Variants in CLMN observed in about 807,000 individuals in gnomAD.
CLMN encodes the protein calmin.
In CLMN, 57 loss-of-function variants were observed where a neutral mutation model predicts 92.7. That is an observed-to-expected ratio of 0.61 (90% confidence interval 0.50 to 0.77). The LOEUF is 0.77. Among genes scored for constraint, CLMN ranks in the 30% least tolerant of loss-of-function variants. The probability of loss-of-function intolerance (pLI) is 0.00; values close to 1 mark genes in which losing one functional copy is unlikely to be tolerated. For missense variants in CLMN, 1,158 were observed against 1,237.5 expected, an observed-to-expected ratio of 0.94 and a Z score of 0.96; for synonymous variants, 466 against 470.6, an observed-to-expected ratio of 0.99 and a Z score of 0.13.
intron 1 of CLMN, among the ~76,000 whole-genome samples, chr14:95,274,174 T>C (rs1392676093): frequency 3.3e-5 from 5 of 152,196 alleles, no homozygotes; most frequent in Non-Finnish European, 7.3e-5. Context: ...TTACTTTCTT[T>C]GCTCCCGCTT....
chr14:95,289,532 G>A lies in CLMN; in HGVS notation c.82+30179C>T, dbSNP rs1037215858. ...AAACAAACAAACAAACAAAAAAACC[G>A]TTGTTCTACATCCTTATCATATGTA... On this transcript the variant is annotated intron_variant, in intron 1 of 12. Coordinates refer to ENST00000298912, the MANE Select transcript of CLMN (RefSeq NM_024734.4). Among the ~76,000 whole-genome samples, 9 of 150,584 alleles carry A rather than the reference G, an allele frequency of 6.0e-5. 1 individual carries two copies. The South Asian group carries it at 1.3e-3, about 21-fold the overall frequency.
In CLMN at chr14:95,186,736, C is replaced by T. The variant is rs1367059359; in HGVS notation, c.*4828G>A. 6.6e-6 allele frequency: 1 copy of T among 152,180 alleles called. No homozygotes were observed. Among genetic ancestry groups the T allele is most frequent in the Non-Finnish European group, 1.5e-5 (1 of 68,074 alleles). The allele number at this position is 152,180 out of a possible 1,614,324, so 9.4% of individuals were successfully genotyped here. ...TATGCCACCACTAATTTAAATTTAA[C>T]TTTTTGTAGAGATGGAGTCTTGCTA... On this transcript the variant is annotated 3_prime_UTR_variant, in exon 13 of 13. Transcript: ENST00000298912.
intron 1 of CLMN, among the ~76,000 whole-genome samples, chr14:95,272,058 T>C (rs1213122328): frequency 6.6e-6 from 1 of 152,262 alleles, no homozygotes; most frequent in African/African-American, 2.4e-5. Flanking sequence ...TTGATGGGCA[T>C]GCATCTTGTC....
chr14:95,311,000 G>A (rs1901512303), intron 1 of CLMN, among the ~76,000 whole-genome samples: 1 of 152,196 alleles, frequency 6.6e-6, no homozygotes, highest in Non-Finnish European at 1.5e-5. Flanking sequence ...GCCGGAGCAG[G>A]ACGGGCACAC....
intron 1 of CLMN, among the ~76,000 whole-genome samples, chr14:95,268,219 G>A (rs966701679): frequency 1.3e-5 from 2 of 152,068 alleles, no homozygotes; most frequent in African/African-American, 4.8e-5. Context: ...TACCCCAATT[G>A]CCCCGGTTTG....
chr14:95,293,183 C>G (rs1177706998), intron 1 of CLMN, among the ~76,000 whole-genome samples: 1 of 111,300 alleles, frequency 9.0e-6, no homozygotes, highest in Non-Finnish European at 1.8e-5. Flanking sequence ...TTCCCTCCCT[C>G]CCTCCTTCTT....
chr14:95,234,748 T>C (rs999683905), intron 1 of CLMN, among the ~76,000 whole-genome samples: 2 of 152,212 alleles, frequency 1.3e-5, no homozygotes, highest in Non-Finnish European at 2.9e-5. Flanking sequence ...GGTGTGTCTT[T>C]AGCTCTGCTT....
Position 95,210,729 on chromosome 14 carries a change from G to A in CLMN, c.759C>T (p.Ile253=), listed in dbSNP as rs762636831. ...TRENLEKAFS[I]AQDALHIPRL... ...TGGGGATGTGCAGGGCATCCTGTGCGATGCTGAAAGCCTTCTCTAGATTTT... is the reference window on the plus strand; with the variant it reads ...TGGGGATGTGCAGGGCATCCTGTGCAATGCTGAAAGCCTTCTCTAGATTTT... Residue 253 remains isoleucine (I), a synonymous_variant, in exon 7 of 13, where the codon ATC becomes ATT. Transcript: ENST00000298912. 1.7e-5 allele frequency: 27 copies of A among 1,610,020 alleles called. No homozygotes were observed. In the Middle Eastern group the frequency reaches 4.9e-4, roughly 29 times the overall value.
intron 1 of CLMN, among the ~76,000 whole-genome samples, chr14:95,245,234 T>A (rs1464691437): frequency 2.9e-5 from 1 of 34,704 alleles, no homozygotes; most frequent in African/African-American, 1.8e-4. Context: ...ATTATATATA[T>A]ATATTATATA....
At chr14:95,228,376 G>T (rs1436425581) in intron 2 of CLMN, among the ~76,000 whole-genome samples, 1 of 152,210 alleles carries the variant, frequency 6.6e-6, no homozygotes, top group Non-Finnish European at 1.5e-5. Flanking sequence ...ACTGGTTGAT[G>T]ATTTATAAGC....
chr14:95,210,945 A>G, intron 6 of CLMN, 66 bp from the exon 7 acceptor site: 2 of 1,459,722 alleles, frequency 1.4e-6, no homozygotes, highest in East Asian at 2.6e-5. Flanking sequence ...GTGCAAGGTC[A>G]GCATGCAGCA....
chr14:95,306,206 A>G (rs771867410), intron 1 of CLMN, among the ~76,000 whole-genome samples: 1 of 152,154 alleles, frequency 6.6e-6, no homozygotes, highest in Non-Finnish European at 1.5e-5. Context: ...CAGAGGCCCC[A>G]GACTTGCTCA....
At chr14:95,201,077 G>A (rs1481263952) in intron 9 of CLMN, among the ~76,000 whole-genome samples, 1 of 151,784 alleles carries the variant, frequency 6.6e-6, no homozygotes, top group African/African-American at 2.4e-5. Flanking sequence ...GTTGATGGGT[G>A]CAGCAAACCA....
At chr14:95,235,672 A>G (rs2140644247) in intron 1 of CLMN, among the ~76,000 whole-genome samples, 1 of 152,320 alleles carries the variant, frequency 6.6e-6, no homozygotes, top group East Asian at 1.9e-4. Context: ...ACAGTTGGAC[A>G]GAATCTGATT....
At position 95,293,382 on chromosome 14, in the gene CLMN, CTCCTTCCTTCCCTCCCTCCT is replaced by C. The variant is rs1197929345; in HGVS notation, c.82+26309_82+26328del. Among the ~76,000 whole-genome samples the C allele has an allele frequency of 9.0e-5, 11 of 122,588 alleles. 1 individual carries two copies. Among genetic ancestry groups the C allele is most frequent in the East Asian group, 5.0e-4 (2 of 4,036 alleles). 80.4% of individuals were successfully genotyped at this position (122,588 alleles called of 152,430 possible). A position where few individuals can be genotyped will look rare whatever the true frequency, so the allele number is the denominator to read the frequency against. On this transcript the variant is annotated intron_variant, in intron 1 of 12. Transcript: ENST00000298912. Reference sequence around the variant, plus strand: ...CCTCCCTCCCTCCTTCCTTCCCTCCCTCCTTCCTTCCCTCCCTCCTTCCTTCCTTCCTTCTCTCAATACCT... The same window carrying C: ...CCTCCCTCCCTCCTTCCTTCCCTCCCTCCTTCCTTCCTTCTCTCAATACCT...
chr14:95,196,668 GT>G lies in CLMN; in HGVS notation c.2537del (p.Asn846ThrfsTer2). 3 of 1,613,162 alleles carry G rather than the reference GT, an allele frequency of 1.9e-6. No individual in the cohort carries two copies. Among genetic ancestry groups the G allele is most frequent in the Non-Finnish European group, 2.5e-6 (3 of 1,179,746 alleles). ...CATTTTCTTCTAGGGGGTTTGCTAT[GT>G]TTTCCAGGTTTGGGGATTCCTGGGA... ...HQSQESPNLE[N>X]IANPLEENVT... On this transcript the variant is annotated frameshift_variant, in exon 10 of 13. Coordinates refer to ENST00000298912, the MANE Select transcript of CLMN (RefSeq NM_024734.4). LOFTEE classifies it high-confidence loss of function.
intron 12 of CLMN, 127 bp downstream of exon 12, chr14:95,193,722 A>T: frequency 8.6e-7 from 1 of 1,163,398 alleles, no homozygotes. Context: ...ATTTTCTTGC[A>T]TTATCCCAAA....
At chr14:95,298,851 C>G (rs1338360700) in intron 1 of CLMN, among the ~76,000 whole-genome samples, 1 of 152,266 alleles carries the variant, frequency 6.6e-6, no homozygotes. Context: ...GCGCCATAAC[C>G]TGCTCAGGTC....
At chr14:95,232,778 C>CCAAGCTTTGCATA (rs1416037780) in intron 1 of CLMN, among the ~76,000 whole-genome samples, 2 of 152,148 alleles carry the variant, frequency 1.3e-5, no homozygotes, top group African/African-American at 4.8e-5. Context: ...ATCGGAGATC[C>CCAAGCTTTGCATA]TTCCACTTTG....
Sources: allele counts gnomAD v4.1 joint callset (sites outside exome capture counted in the v4.1 genomes callset), GRCh38; gene constraint gnomAD v4.1.1; transcripts MANE v1.5; gene names NCBI Gene and HGNC (gene_info 2026-07-23, HGNC 2026-07-21).